The following CHRM3 variants were observed in gnomAD, a reference collection of about 807,000 sequenced individuals.
CHRM3 encodes cholinergic receptor muscarinic 3.
Under a neutral mutation model 41.8 loss-of-function variants are expected in CHRM3, and 11 were observed. That is an observed-to-expected ratio of 0.26 (90% CI 0.17 to 0.44). CHRM3 has a LOEUF of 0.44. Ranked by LOEUF, CHRM3 falls within the 20% of genes least tolerant of loss-of-function variation. CHRM3 has a pLI of 1.00. For missense variants in CHRM3, 571 were observed against 745.4 expected (o/e 0.77, Z 2.72); for synonymous variants, 297 against 301.4 (o/e 0.99, Z 0.15).
intron 2 of CHRM3, among the ~76,000 whole-genome samples, chr1:239,506,432 A>G (rs1028573110): frequency 6.6e-6 from 1 of 152,154 alleles, no homozygotes; most frequent in Non-Finnish European, 1.5e-5. Flanking sequence ...TAGAAGCCCT[A>G]AGTCTTGACA....
intron 1 of CHRM3, among the ~76,000 whole-genome samples, chr1:239,390,226 C>A (rs1332267841): frequency 6.6e-6 from 1 of 152,032 alleles, no homozygotes; most frequent in Non-Finnish European, 1.5e-5. Flanking sequence ...ATAAAATGTG[C>A]CTTTATGCTT....
At chr1:239,471,822 G>T (rs2147944155) in intron 1 of CHRM3, among the ~76,000 whole-genome samples, 1 of 152,268 alleles carries the variant, frequency 6.6e-6, no homozygotes, top group Non-Finnish European at 1.5e-5. Context: ...GTGTGTCATG[G>T]GCTGTGCACC....
chr1:239,589,797 A>G (rs1440137173), intron 3 of CHRM3, among the ~76,000 whole-genome samples: 1 of 150,778 alleles, frequency 6.6e-6, no homozygotes, highest in African/African-American at 2.4e-5. Flanking sequence ...ATAGTTTTAT[A>G]TATATAGTTT....
intron 2 of CHRM3, among the ~76,000 whole-genome samples, chr1:239,534,126 G>A (rs1465519851): frequency 1.3e-5 from 2 of 152,096 alleles, no homozygotes; most frequent in African/African-American, 4.8e-5. Flanking sequence ...TCAGGAGTTC[G>A]AGACCAGCCT....
intron 3 of CHRM3, among the ~76,000 whole-genome samples, chr1:239,623,462 A>G (rs1486073975): frequency 6.8e-6 from 1 of 146,948 alleles, no homozygotes; most frequent in Admixed American, 6.9e-5. Context: ...TTATGGCTGC[A>G]TGGTATTCCA....
intron 1 of CHRM3, among the ~76,000 whole-genome samples, chr1:239,397,787 G>T (rs1041258995): frequency 2.7e-5 from 4 of 148,254 alleles, no homozygotes; most frequent in African/African-American, 7.4e-5. Context: ...TGTTGTAAAA[G>T]ATATACCAAA....
chr1:239,495,050 G>T (rs535063298), intron 2 of CHRM3, among the ~76,000 whole-genome samples: 1 of 152,082 alleles, frequency 6.6e-6, no homozygotes, highest in Non-Finnish European at 1.5e-5. Context: ...TCAGCACTCT[G>T]TTGTACATTT....
At chr1:239,750,377 T>C (rs1293226173) in intron 5 of CHRM3, among the ~76,000 whole-genome samples, 1 of 152,250 alleles carries the variant, frequency 6.6e-6, no homozygotes, top group Non-Finnish European at 1.5e-5. Context: ...ATACATATTA[T>C]TGTAATCAAA....
intron 1 of CHRM3, among the ~76,000 whole-genome samples, chr1:239,395,091 C>G (rs1229061684): frequency 6.6e-6 from 1 of 152,132 alleles, no homozygotes; most frequent in Non-Finnish European, 1.5e-5. Flanking sequence ...CCTTTAAACT[C>G]CCTTAATTTT....
intron 3 of CHRM3, among the ~76,000 whole-genome samples, chr1:239,563,008 G>A (rs752582698): frequency 2.0e-5 from 3 of 151,788 alleles, no homozygotes; most frequent in Non-Finnish European, 2.9e-5. Context: ...ACGTATATAG[G>A]CAAAGAAACA....
chr1:239,610,143 A>T (rs570789340), intron 3 of CHRM3, among the ~76,000 whole-genome samples: 4 of 134,268 alleles, frequency 3.0e-5, no homozygotes, highest in African/African-American at 1.1e-4. Flanking sequence ...CAGTGAGTGG[A>T]GATCACGCCA....
intron 5 of CHRM3, among the ~76,000 whole-genome samples, chr1:239,797,153 G>A (rs574088535): frequency 6.6e-6 from 1 of 152,232 alleles, no homozygotes; most frequent in Admixed American, 6.5e-5. Flanking sequence ...TAAACATTGT[G>A]TACTCATGGA....
intron 3 of CHRM3, among the ~76,000 whole-genome samples, chr1:239,614,781 G>C (rs1667454380): frequency 6.6e-6 from 1 of 152,136 alleles, no homozygotes. Context: ...CAGGATAGCT[G>C]ATATTATATA....
At chr1:239,859,818 T>TG (rs1389018001) in intron 6 of CHRM3, among the ~76,000 whole-genome samples, 5 of 70,914 alleles carry the variant, frequency 7.1e-5, no homozygotes, top group Non-Finnish European at 1.1e-4. Context: ...TTCTAAGTGT[T>TG]TTATATATAT....
chr1:239,493,541 A>C (rs1369719735), intron 2 of CHRM3, among the ~76,000 whole-genome samples: 1 of 152,228 alleles, frequency 6.6e-6, no homozygotes, highest in Non-Finnish European at 1.5e-5. Flanking sequence ...ACTTTTTAAA[A>C]ATAATAGTAT....
At chr1:239,644,736 G>A (rs1157307873) in intron 4 of CHRM3, among the ~76,000 whole-genome samples, 1 of 152,146 alleles carries the variant, frequency 6.6e-6, no homozygotes, top group African/African-American at 2.4e-5. Flanking sequence ...AAATACAGAT[G>A]GTGATTCAGA....
At chr1:239,664,739 C>A (rs1573196766) in intron 4 of CHRM3, among the ~76,000 whole-genome samples, 2 of 152,296 alleles carry the variant, frequency 1.3e-5, no homozygotes, top group South Asian at 2.1e-4. Flanking sequence ...TGAAGCCTTT[C>A]TCTTCCATGT....
intron 6 of CHRM3, among the ~76,000 whole-genome samples, chr1:239,842,478 G>A (rs560481225): frequency 3.9e-4 from 60 of 152,202 alleles, no homozygotes; most frequent in Middle Eastern, 6.8e-3. Context: ...CAGGTGATCC[G>A]CCTGCCTTGG....
At chr1:239,897,727 G>A (rs1463132585) in intron 6 of CHRM3, among the ~76,000 whole-genome samples, 2 of 152,146 alleles carry the variant, frequency 1.3e-5, no homozygotes, top group Non-Finnish European at 2.9e-5. Context: ...AACCTCTCCC[G>A]CCTGCTTTTC....
Sources: allele counts gnomAD v4.1 joint callset (sites outside exome capture counted in the v4.1 genomes callset), GRCh38; gene constraint gnomAD v4.1.1; transcripts MANE v1.5; gene names NCBI Gene and HGNC (gene_info 2026-07-23, HGNC 2026-07-21).